Variants in VPS41 observed in about 807,000 individuals in gnomAD.
VPS41 encodes the protein VPS41 subunit of HOPS complex.
VPS41 carries 85 observed loss-of-function variants against 130.9 expected under a neutral mutation model. The observed-to-expected ratio is 0.65, with a 90% CI of 0.55 to 0.78. The LOEUF is 0.78. Ranked by LOEUF, VPS41 falls within the 30% of genes least tolerant of loss-of-function variation. VPS41 has a pLI of 0.00. For synonymous variants in VPS41, 335 were observed against 332.9 expected (o/e 1.01, Z -0.07); for missense variants, 874 against 1,018.7 (o/e 0.86, Z 1.93).
chr7:38,771,738 G>T (rs924948168), intron 13 of VPS41, among the ~76,000 whole-genome samples: 2 of 152,008 alleles, frequency 1.3e-5, no homozygotes, highest in Non-Finnish European at 2.9e-5. Context: ...CTCTGATTTT[G>T]TTTTTATTTT....
chr7:38,748,587 G>A (rs915354927), intron 22 of VPS41, among the ~76,000 whole-genome samples: 2 of 150,588 alleles, frequency 1.3e-5, no homozygotes, highest in African/African-American at 2.4e-5. Context: ...GTATAAATCT[G>A]CTGAACTATA....
At chr7:38,813,094 A>G (rs1239551541) in intron 7 of VPS41, among the ~76,000 whole-genome samples, 2 of 152,208 alleles carry the variant, frequency 1.3e-5, no homozygotes, top group African/African-American at 4.8e-5. Context: ...CATTATTCAT[A>G]ATAGCCAAAA....
chr7:38,893,018 T>C (rs1427507915), intron 2 of VPS41, among the ~76,000 whole-genome samples: 3 of 152,128 alleles, frequency 2.0e-5, no homozygotes, highest in African/African-American at 7.2e-5. Context: ...ACCACGCAAA[T>C]GGTCTTCCTG....
intron 4 of VPS41, among the ~76,000 whole-genome samples, chr7:38,849,822 A>C (rs1457040977): frequency 6.6e-6 from 1 of 152,146 alleles, no homozygotes; most frequent in Non-Finnish European, 1.5e-5. Context: ...GCAGGAAAAC[A>C]GGAATTCCTG....
intron 3 of VPS41, among the ~76,000 whole-genome samples, chr7:38,867,269 G>A (rs1330026471): frequency 1.3e-5 from 2 of 152,202 alleles, no homozygotes; most frequent in Non-Finnish European, 2.9e-5. Context: ...TGGGTGGCCA[G>A]GTGTGGTGGC....
chr7:38,780,490 G>A (rs1784337225), intron 10 of VPS41, among the ~76,000 whole-genome samples: 1 of 152,094 alleles, frequency 6.6e-6, no homozygotes, highest in African/African-American at 2.4e-5. Context: ...AGAGATTCTA[G>A]CAGAGTAAGA....
intron 22 of VPS41, among the ~76,000 whole-genome samples, chr7:38,750,234 A>C (rs36114334): frequency 0.061 from 9,237 of 152,286 alleles, 418 homozygotes; most frequent in South Asian, 0.13. Flanking sequence ...CCTCTCCTTT[A>C]AGACAGCTTT....
At chr7:38,904,052 T>C (rs1192939936) in intron 1 of VPS41, among the ~76,000 whole-genome samples, 2 of 152,204 alleles carry the variant, frequency 1.3e-5, no homozygotes, top group Non-Finnish European at 1.5e-5. Flanking sequence ...CAGACTCTGA[T>C]TCAGTAGGTT....
intron 4 of VPS41, among the ~76,000 whole-genome samples, chr7:38,860,785 G>A (rs1422412946): frequency 6.6e-6 from 1 of 151,562 alleles, no homozygotes; most frequent in African/African-American, 2.4e-5. Flanking sequence ...ATGTACTTAG[G>A]AGTGCAAACT....
chr7:38,739,087 T>C (rs944727806), intron 25 of VPS41, among the ~76,000 whole-genome samples: 2 of 152,252 alleles, frequency 1.3e-5, no homozygotes, highest in East Asian at 1.9e-4. Context: ...TTTTAAATGC[T>C]GTATACTCTA....
chr7:38,775,826 T>TA lies in VPS41; in HGVS notation c.882+852dup, dbSNP rs112990085. On this transcript the variant is annotated intron_variant, in intron 11 of 28. Transcript: ENST00000310301. The stretch of plus-strand genomic sequence containing the variant: ...CTCCCCCATTTTATTTCTTGCCATT[T>TA]AAAAAAAAAAAAAGGATACAAACAA... Among the ~76,000 whole-genome samples, 215 of 144,140 alleles carry TA rather than the reference T, an allele frequency of 1.5e-3. 2 individuals are homozygous for TA. The East Asian group carries it at 0.018, about 12-fold the overall frequency. The allele number at this position is 144,140 out of a possible 152,430, so 94.6% of individuals were successfully genotyped here.
chr7:38,841,524 T>C (rs1471657705), intron 4 of VPS41, among the ~76,000 whole-genome samples: 1 of 152,226 alleles, frequency 6.6e-6, no homozygotes, highest in Non-Finnish European at 1.5e-5. Flanking sequence ...TCAGTCCCCA[T>C]GGCTTTCTGG....
intron 2 of VPS41, among the ~76,000 whole-genome samples, chr7:38,880,213 G>A (rs1786576007): frequency 6.6e-6 from 1 of 152,084 alleles, no homozygotes; most frequent in African/African-American, 2.4e-5. Flanking sequence ...ACTTCACACT[G>A]CAGAACTCAT....
intron 2 of VPS41, among the ~76,000 whole-genome samples, chr7:38,874,236 T>C (rs1394654917): frequency 2.0e-5 from 3 of 152,194 alleles, no homozygotes; most frequent in Non-Finnish European, 4.4e-5. Context: ...GTCACATGAA[T>C]TCTAGGGGTT....
At chr7:38,815,783 A>C (rs1785035770) in intron 7 of VPS41, among the ~76,000 whole-genome samples, 1 of 152,152 alleles carries the variant, frequency 6.6e-6, no homozygotes, top group Admixed American at 6.5e-5. Context: ...CTCTTGCTGG[A>C]TGTTTCCTGC....
chr7:38,838,771 C>T (rs551814055), intron 4 of VPS41, among the ~76,000 whole-genome samples: 3 of 152,206 alleles, frequency 2.0e-5, no homozygotes, highest in Non-Finnish European at 4.4e-5. Context: ...AATCAATTAC[C>T]TAATGTAAGA....
intron 7 of VPS41, among the ~76,000 whole-genome samples, chr7:38,805,571 G>GAA (rs34156510): frequency 0.024 from 3,461 of 143,776 alleles, 151 homozygotes; most frequent in African/African-American, 0.082. Context: ...CCCAAAAGTT[G>GAA]AAAAAAAAAA....
rs950680606 is a variant in VPS41, at chr7:38,723,978, C to T, written c.*2268G>A. On this transcript the variant is annotated 3_prime_UTR_variant, in exon 29 of 29. Transcript: ENST00000310301. ...AATACTGTTTATTCAAAAGAAAAGA[C>T]ATTCTAAGGAACGAAAGCTAGTGTT... 1.3e-5 allele frequency: 2 copies of T among 152,058 alleles called. No individual in the cohort carries two copies. Among genetic ancestry groups the T allele is most frequent in the Admixed American group, 1.3e-4 (2 of 15,278 alleles). 9.4% of individuals were successfully genotyped at this position (152,058 alleles called of 1,614,324 possible). A position where few individuals can be genotyped will look rare whatever the true frequency, so the allele number is the denominator to read the frequency against.
intron 22 of VPS41, 28 bp from the exon 23 acceptor site, chr7:38,745,641 A>T: frequency 6.5e-7 from 1 of 1,542,194 alleles, no homozygotes; most frequent in Non-Finnish European, 8.9e-7. Context: ...TAAAAATGTT[A>T]CTATAGGCGA....
Sources: allele counts gnomAD v4.1 joint callset (sites outside exome capture counted in the v4.1 genomes callset), GRCh38; gene constraint gnomAD v4.1.1; transcripts MANE v1.5; gene names NCBI Gene and HGNC (gene_info 2026-07-23, HGNC 2026-07-21).